CYFIP2: variants seen among roughly 807,000 people sequenced by gnomAD.
CYFIP2 encodes cytoplasmic FMR1-interacting protein 2.
A neutral mutation model predicts 158.7 loss-of-function variants in CYFIP2; 29 were observed. The observed-to-expected ratio is 0.18, with a 90% CI of 0.14 to 0.25. The LOEUF is 0.25. CYFIP2 is among the 10% of genes least tolerant of loss of function. CYFIP2 has a pLI of 1.00. For missense variants in CYFIP2, 852 were observed against 1,639.5 expected (o/e 0.52, Z 8.29); for synonymous variants, 585 against 617.6 (o/e 0.95, Z 0.78).
intron 1 of CYFIP2, among the ~76,000 whole-genome samples, chr5:157,274,200 A>G (rs1756356818): frequency 6.6e-6 from 1 of 151,388 alleles, no homozygotes; most frequent in Non-Finnish European, 1.5e-5. Flanking sequence ...CCATAATCGT[A>G]GTCAGTTTTA....
intron 13 of CYFIP2, among the ~76,000 whole-genome samples, 169 bp from the exon 14 acceptor site, chr5:157,319,593 A>C (rs1760426752): frequency 6.6e-6 from 1 of 152,268 alleles, no homozygotes; most frequent in Non-Finnish European, 1.5e-5. Context: ...TGATATACGT[A>C]CATTCTGGCA....
intron 20 of CYFIP2, among the ~76,000 whole-genome samples, chr5:157,331,449 G>A (rs1026924488): frequency 6.6e-6 from 1 of 150,722 alleles, no homozygotes; most frequent in Non-Finnish European, 1.5e-5. Context: ...CAAGCGGGTG[G>A]CAAAATGGCC....
chr5:157,306,966 G>C (rs557692880), intron 8 of CYFIP2, among the ~76,000 whole-genome samples: 1 of 151,422 alleles, frequency 6.6e-6, no homozygotes, highest in African/African-American at 2.4e-5. Flanking sequence ...CACCCTGTTC[G>C]TGTCAGATGA....
chr5:157,333,872 C>T (rs1761666323), intron 21 of CYFIP2, among the ~76,000 whole-genome samples: 2 of 152,150 alleles, frequency 1.3e-5, no homozygotes, highest in Non-Finnish European at 2.9e-5. Context: ...ACAAGGGGGC[C>T]CCACATTTTC....
chr5:157,322,512 C>A (rs545155156), intron 15 of CYFIP2, among the ~76,000 whole-genome samples: 90 of 152,378 alleles, frequency 5.9e-4, no homozygotes, highest in African/African-American at 2.1e-3. Flanking sequence ...GACTTGGATT[C>A]TTCCTTTGAG....
At chr5:157,279,443 G>C (rs41345045) in intron 1 of CYFIP2, among the ~76,000 whole-genome samples, 16,421 of 152,256 alleles carry the variant, frequency 0.11, 1,280 homozygotes, top group East Asian at 0.26. Context: ...GGTTTAAGCT[G>C]TAAATGTCAG....
rs188855569 is a variant in CYFIP2, at chr5:157,304,436, C to T, written c.795+70C>T. The T allele has an allele frequency of 7.7e-4, 1,158 of 1,509,178 alleles. 3 individuals are homozygous for T. Among genetic ancestry groups the T allele is most frequent in the African/African-American group, 3.1e-3 (222 of 71,476 alleles). 93.5% of individuals were successfully genotyped at this position (1,509,178 alleles called of 1,614,324 possible). A position where few individuals can be genotyped will look rare whatever the true frequency, so the allele number is the denominator to read the frequency against. On this transcript the variant is annotated intron_variant, in intron 8 of 30. Coordinates refer to ENST00000620254, the MANE Select transcript of CYFIP2 (RefSeq NM_001037333.3). Reference sequence around the variant, plus strand: ...TCTCACCTTCTTCTTATTAAAAATCCGTTTTAAAAAACAATGTTTCTTTTT... The same window carrying T: ...TCTCACCTTCTTCTTATTAAAAATCTGTTTTAAAAAACAATGTTTCTTTTT...
intron 1 of CYFIP2, among the ~76,000 whole-genome samples, chr5:157,282,173 G>A (rs1429871100): frequency 6.6e-6 from 1 of 152,208 alleles, no homozygotes; most frequent in East Asian, 1.9e-4. Context: ...TCCACAGGCT[G>A]TACAGGAAGC....
chr5:157,391,008 G>A (rs1307288835), intron 30 of CYFIP2, among the ~76,000 whole-genome samples: 1 of 152,158 alleles, frequency 6.6e-6, no homozygotes, highest in Non-Finnish European at 1.5e-5. Flanking sequence ...GGATGGGATA[G>A]GTACTGGCGT....
chr5:157,364,542 T>TAGC (rs1764188158), intron 26 of CYFIP2: 1 of 152,216 alleles, frequency 6.6e-6, no homozygotes, highest in Non-Finnish European at 1.5e-5. Flanking sequence ...TCACACAGCA[T>TAGC]AGCAGCAGCA....
At chr5:157,341,208 A>C in intron 23 of CYFIP2, 51 bp downstream of exon 23, 1 of 1,541,650 alleles carries the variant, frequency 6.5e-7, no homozygotes, top group Non-Finnish European at 9.0e-7. Context: ...GAGAAAAAGC[A>C]AATAGAAAAG....
At chr5:157,381,377 AT>A (rs1290136301) in intron 26 of CYFIP2, among the ~76,000 whole-genome samples, 2 of 148,774 alleles carry the variant, frequency 1.3e-5, no homozygotes, top group African/African-American at 5.0e-5. Flanking sequence ...AAAAAAAAAA[AT>A]TAGCCAGGCA....
chr5:157,392,605 GTGT>G (rs975280937), intron 30 of CYFIP2, among the ~76,000 whole-genome samples: 10 of 151,148 alleles, frequency 6.6e-5, no homozygotes, highest in Admixed American at 1.3e-4. Flanking sequence ...CAGTGCCACA[GTGT>G]TGTTGATTAT....
intron 6 of CYFIP2, among the ~76,000 whole-genome samples, chr5:157,301,117 A>G (rs1758711505): frequency 1.3e-5 from 2 of 152,228 alleles, no homozygotes; most frequent in South Asian, 2.1e-4. Context: ...AGAGTTTTAT[A>G]TCTCAAGATG....
chr5:157,307,908 C>A, intron 9 of CYFIP2, 43 bp downstream of exon 9: 1 of 1,153,090 alleles, frequency 8.7e-7, no homozygotes, highest in Non-Finnish European at 1.3e-6. Context: ...CTGAGGTTAC[C>A]AGCGCCAAGA....
intron 5 of CYFIP2, among the ~76,000 whole-genome samples, chr5:157,297,037 G>C (rs762215020): frequency 2.6e-5 from 4 of 152,212 alleles, no homozygotes; most frequent in Non-Finnish European, 4.4e-5. Flanking sequence ...GGAATAATAA[G>C]TGCTGTGAGT....
chr5:157,339,887 G>A (rs1029557933), intron 22 of CYFIP2, among the ~76,000 whole-genome samples: 1 of 152,218 alleles, frequency 6.6e-6, no homozygotes, highest in African/African-American at 2.4e-5. Context: ...AAATGGTGCT[G>A]TGAAAGATAA....
intron 1 of CYFIP2, among the ~76,000 whole-genome samples, chr5:157,283,220 C>G (rs1371291645): frequency 6.6e-6 from 1 of 152,180 alleles, no homozygotes; most frequent in African/African-American, 2.4e-5. Context: ...ATCATAGTAC[C>G]TACCTTTATA....
Position 157,326,285 on chromosome 5 carries a change from C to T in CYFIP2, c.2079+18C>T. 1 of 1,586,060 alleles carries T rather than the reference C, an allele frequency of 6.3e-7. No homozygotes were observed. Among genetic ancestry groups the T allele is most frequent in the Non-Finnish European group, 8.7e-7 (1 of 1,154,476 alleles). ...AAGCTGAGGCAAGTGATGTGCTTCTCTTTTTGCTCCTTTAATCTTGTTCCA... is the reference window on the plus strand; with the variant it reads ...AAGCTGAGGCAAGTGATGTGCTTCTTTTTTTGCTCCTTTAATCTTGTTCCA... On this transcript the variant is annotated intron_variant, in intron 18 of 30. Coordinates refer to ENST00000620254, the MANE Select transcript of CYFIP2 (RefSeq NM_001037333.3).
Sources: gnomAD v4.1 joint callset for allele counts (sites outside exome capture counted in the v4.1 genomes callset) on GRCh38, gnomAD v4.1.1 for gene constraint, MANE v1.5 for transcripts, NCBI Gene and HGNC (gene_info 2026-07-23, HGNC 2026-07-21) for gene names.